The following ZNF350 variants were observed in gnomAD, a reference collection of about 807,000 sequenced individuals.
ZNF350 encodes KRAB zinc finger protein ZFQR.
A neutral mutation model predicts 13.1 loss-of-function variants in ZNF350; 5 were observed. That is an observed-to-expected ratio of 0.38 (90% CI 0.20 to 0.80). ZNF350 has a LOEUF of 0.80. Among genes scored for constraint, ZNF350 ranks in the 30% least tolerant of loss-of-function variants. The pLI, the probability that ZNF350 is intolerant of heterozygous loss-of-function variation, is 0.43. For synonymous variants in ZNF350, 199 were observed against 224.2 expected (o/e 0.89, Z 1.00); for missense variants, 534 against 644.2 (o/e 0.83, Z 1.85).
In ZNF350 at chr19:51,966,059, G is replaced by A. The variant is rs28997584; in HGVS notation, c.394C>T (p.Arg132Cys). 6,793 of 1,613,878 alleles carry A rather than the reference G, an allele frequency of 4.2e-3. 21 individuals are homozygous for A. The highest frequency in any genetic ancestry group is 5.4e-3 in the Non-Finnish European group (6,338 of 1,179,994). The stretch of plus-strand genomic sequence containing the variant: ...AAATTGGATTTCAAACTTTTTCCAC[G>A]TAAGTCAAATATATCATGATTTTGC... ...LGQNHDIFDL[R>C]GKSLKSNLTL... Residue 132 changes from arginine (R) to cysteine (C), a missense_variant, in exon 5 of 5, where the codon CGT (arginine) becomes TGT (cysteine). Transcript: ENST00000243644.
At chr19:51,971,212 G>C (rs1274652443) in intron 2 of ZNF350, among the ~76,000 whole-genome samples, 1 of 152,148 alleles carries the variant, frequency 6.6e-6, no homozygotes, top group Non-Finnish European at 1.5e-5. Context: ...GAACACACTT[G>C]GTAGATGATA....
chr19:51,982,682 T>C (rs2086072631), intron 1 of ZNF350, among the ~76,000 whole-genome samples: 2 of 152,246 alleles, frequency 1.3e-5, no homozygotes, highest in Non-Finnish European at 2.9e-5. Flanking sequence ...GCTATAAACT[T>C]TTTTTTAAAG....
At chr19:51,975,529 G>GA (rs2085868726) in intron 1 of ZNF350, among the ~76,000 whole-genome samples, 1 of 147,054 alleles carries the variant, frequency 6.8e-6, no homozygotes, top group South Asian at 2.2e-4. Flanking sequence ...TCATCCAAAA[G>GA]AAGAGAATCA....
At chr19:51,968,511 C>T in intron 4 of ZNF350, 67 bp downstream of exon 4, 1 of 1,388,300 alleles carries the variant, frequency 7.2e-7, no homozygotes. Context: ...CCCTTCACAG[C>T]TGTGCTGCCT....
chr19:51,968,761 GAGTTTCTTAAAATACCCAAAATTT>G (rs1267025137), intron 3 of ZNF350, 88 bp from the exon 4 acceptor site: 2 of 1,471,302 alleles, frequency 1.4e-6, no homozygotes, highest in Non-Finnish European at 1.9e-6. Context: ...CAAGAAACTT[GAGTTTCTTAAAATACCCAAAATTT>G]AGTTTCTTAT....
chr19:51,964,766 A>T lies in ZNF350; in HGVS notation c.*88T>A. 7.0e-7 allele frequency: 1 copy of T among 1,435,012 alleles called. No homozygotes were observed. Among genetic ancestry groups the T allele is most frequent in the Non-Finnish European group, 9.5e-7 (1 of 1,057,988 alleles). 88.9% of individuals were successfully genotyped at this position (1,435,012 alleles called of 1,614,324 possible). A position where few individuals can be genotyped will look rare whatever the true frequency, so the allele number is the denominator to read the frequency against. ...GTTTATCAGGCTATCTCAGCCTTAT[A>T]CATGTTCTCTCAGTGTATGCTTTTC... On this transcript the variant is annotated 3_prime_UTR_variant, in exon 5 of 5. Transcript: ENST00000243644.
Position 51,964,712 on chromosome 19 carries a change from G to A in ZNF350, c.*142C>T, listed in dbSNP as rs2085514883. The A allele has an allele frequency of 6.1e-6, 6 of 981,094 alleles. No homozygotes were observed. In the South Asian group the frequency reaches 1.1e-4, roughly 17 times the overall value. 60.8% of individuals were successfully genotyped at this position (981,094 alleles called of 1,614,324 possible). On this transcript the variant is annotated 3_prime_UTR_variant, in exon 5 of 5. Coordinates refer to ENST00000243644, the MANE Select transcript of ZNF350 (RefSeq NM_021632.4). Reference sequence around the variant, plus strand: ...TTAGGTTAACATCAAATTTGCCTGTGTATCACAGCATACATTTTAATAGGA... The same window carrying A: ...TTAGGTTAACATCAAATTTGCCTGTATATCACAGCATACATTTTAATAGGA...
At position 51,965,854 on chromosome 19, in the gene ZNF350, C is replaced by T. The variant is rs1471672612; in HGVS notation, c.599G>A (p.Arg200Gln). 1.1e-5 allele frequency: 17 copies of T among 1,613,998 alleles called. No homozygotes were observed. The Admixed American group carries it at 1.3e-4, about 13-fold the overall frequency. ...GCACACATGATGCTTCTCTAATTTT[C>T]GTGTTTTCTGATGCTTGGGACTGAT... Reference protein sequence around the residue: ...QFISPKHQKTRKLEKHHVCSE... With the variant: ...QFISPKHQKTQKLEKHHVCSE... The change falls in exon 5 of 5, where the codon CGA becomes CAA. Residue 200 changes from arginine to glutamine, a missense_variant. Coordinates refer to ENST00000243644, the MANE Select transcript of ZNF350 (RefSeq NM_021632.4).
chr19:51,967,683 G>T (rs1215223921), intron 4 of ZNF350, among the ~76,000 whole-genome samples: 2 of 152,146 alleles, frequency 1.3e-5, no homozygotes, highest in Non-Finnish European at 1.5e-5. Flanking sequence ...GAAGTAGGCG[G>T]GAGTTGAGAA....
chr19:51,967,539 G>C (rs1420355724), intron 4 of ZNF350: 1 of 152,222 alleles, frequency 6.6e-6, no homozygotes, highest in African/African-American at 2.4e-5. Flanking sequence ...TTGTGAGCAA[G>C]ATGGTATTAT....
intron 1 of ZNF350, among the ~76,000 whole-genome samples, chr19:51,979,677 C>T (rs1460647382): frequency 6.6e-6 from 1 of 152,200 alleles, no homozygotes; most frequent in Non-Finnish European, 1.5e-5. Flanking sequence ...ATAGTTCCTA[C>T]CCCACTCTGT....
intron 1 of ZNF350, among the ~76,000 whole-genome samples, chr19:51,978,448 C>CA (rs1333538884): frequency 6.6e-6 from 1 of 152,162 alleles, no homozygotes; most frequent in Admixed American, 6.5e-5. Flanking sequence ...TTTAATGTCA[C>CA]AAAATCTTTG....
chr19:51,983,287 T>C (rs56335592), intron 1 of ZNF350, among the ~76,000 whole-genome samples: 57,435 of 152,048 alleles, frequency 0.38, 12,139 homozygotes, highest in African/African-American at 0.57. Context: ...AAAGCCTGGG[T>C]ATTGTCCAAG....
At chr19:51,968,938 T>C (rs2085654397) in intron 3 of ZNF350, 67 bp downstream of exon 3, 1 of 1,613,462 alleles carries the variant, frequency 6.2e-7, no homozygotes, top group Non-Finnish European at 8.5e-7. Context: ...TCCAAAGAGG[T>C]AGGCATCTGA....
intron 1 of ZNF350, chr19:51,981,358 C>T (rs1443380847): frequency 6.6e-6 from 1 of 151,738 alleles, no homozygotes; most frequent in Non-Finnish European, 1.5e-5. Flanking sequence ...GACCCCTTCT[C>T]CCAAATATAC....
chr19:51,967,383 C>T (rs2085609725), intron 4 of ZNF350: 3 of 151,380 alleles, frequency 2.0e-5, no homozygotes, highest in Non-Finnish European at 4.4e-5. Context: ...CCAGCCTGGG[C>T]ACAGAGCAAG....
intron 2 of ZNF350, among the ~76,000 whole-genome samples, chr19:51,971,104 A>T (rs1335345658): frequency 6.6e-6 from 1 of 152,176 alleles, no homozygotes; most frequent in African/African-American, 2.4e-5. Flanking sequence ...AGGATGCAGG[A>T]TGGCTTTAAA....
In ZNF350 at chr19:51,968,997, G is replaced by A. The variant is rs776154783; in HGVS notation, c.142+8C>T. ...ACCCTCTGAGTGACACAGGGCAGCT[G>A]TCCTCACCCACTGCCACCAGGTTGC... On this transcript the variant is annotated splice_region_variant and intron_variant, in intron 3 of 4. Transcript: ENST00000243644. 1 of 1,613,988 alleles carries A rather than the reference G, an allele frequency of 6.2e-7. No individual in the cohort carries two copies. The highest frequency in any genetic ancestry group is 8.5e-7 in the Non-Finnish European group (1 of 1,179,926).
At chr19:51,972,674 TAG>T (rs1568481894) in intron 2 of ZNF350, among the ~76,000 whole-genome samples, 1 of 151,532 alleles carries the variant, frequency 6.6e-6, no homozygotes, top group Non-Finnish European at 1.5e-5. Context: ...TATCTACAGA[TAG>T]ATTCATATAT....
Sources: allele counts gnomAD v4.1 joint callset (sites outside exome capture counted in the v4.1 genomes callset), GRCh38; gene constraint gnomAD v4.1.1; transcripts MANE v1.5; gene names NCBI Gene and HGNC (gene_info 2026-07-23, HGNC 2026-07-21).